The following DRC4 variants were observed in gnomAD, a reference collection of about 807,000 sequenced individuals.
The protein encoded by DRC4 is GAS-11.
chr16:90,030,364 CAG>C, the DRC4 span, among the ~76,000 whole-genome samples: 1 of 152,038 alleles, frequency 6.6e-6, no homozygotes, highest in Non-Finnish European at 1.5e-5. Context: ...TGTTTAGAGA[CAG>C]GGTCCTGCTC....
At chr16:90,028,173 A>ATTTTTTTTTTTTTTTTTTTTTT in the DRC4 span, among the ~76,000 whole-genome samples, 1 of 63,836 alleles carries the variant, frequency 1.6e-5, no homozygotes, top group Non-Finnish European at 2.8e-5. Flanking sequence ...TTAATCGTTC[A>ATTTTTTTTTTTTTTTTTTTTTT]TTTTTTTTTT....
chr16:90,022,307 A>G, the DRC4 span: 3 of 173,894 alleles, frequency 1.7e-5, no homozygotes, highest in Non-Finnish European at 2.4e-5. Flanking sequence ...CCAGATTTGA[A>G]TCTCATTTGG....
At chr16:90,033,808 C>T in the DRC4 span, among the ~76,000 whole-genome samples, 1 of 151,856 alleles carries the variant, frequency 6.6e-6, no homozygotes, top group Non-Finnish European at 1.5e-5. Flanking sequence ...GTGCCAGATA[C>T]AACAGAGTAT....
the DRC4 span, among the ~76,000 whole-genome samples, chr16:90,024,345 C>T: frequency 6.6e-6 from 1 of 152,056 alleles, no homozygotes; most frequent in Non-Finnish European, 1.5e-5. Context: ...GATTAAAATC[C>T]AAAGGACTGA....
the DRC4 span, chr16:90,037,934 G>T: frequency 8.1e-7 from 1 of 1,239,522 alleles, no homozygotes; most frequent in Non-Finnish European, 1.2e-6. Flanking sequence ...CGGGCACTAG[G>T]CTGGCCCTGC....
chr16:90,043,928 A>T, the DRC4 span: 1 of 432,746 alleles, frequency 2.3e-6, no homozygotes, highest in South Asian at 1.7e-5. Flanking sequence ...CTCCCTCGGT[A>T]GGTGATGTAG....
At chr16:90,022,520 C>G in the DRC4 span, 1 of 496,306 alleles carries the variant, frequency 2.0e-6, no homozygotes, top group Non-Finnish European at 3.4e-6. Context: ...GCGACATTTT[C>G]CCAACGTTCA....
At chr16:90,036,450 A>T in the DRC4 span, 1 of 1,614,082 alleles carries the variant, frequency 6.2e-7, no homozygotes, top group Non-Finnish European at 8.5e-7. Context: ...AGAAAGACTG[A>T]GCTCCACGAA....
the DRC4 span, chr16:90,031,522 T>C: frequency 6.5e-7 from 1 of 1,534,860 alleles, no homozygotes; most frequent in Non-Finnish European, 8.8e-7. Context: ...CTGCACGTGC[T>C]AACCTGGTCA....
the DRC4 span, chr16:90,019,919 G>GTGTGCT: frequency 1.5e-6 from 1 of 673,892 alleles, no homozygotes; most frequent in African/African-American, 1.8e-5. The surrounding 1 kb of genome is among the most constrained non-coding windows in gnomAD (Gnocchi z 6.1). Flanking sequence ...GGGCGAGGGC[G>GTGTGCT]TGTGCTTGGG....
At chr16:90,020,940 C>T in the DRC4 span, 1 of 152,236 alleles carries the variant, frequency 6.6e-6, no homozygotes, top group Admixed American at 6.5e-5. Context: ...TAATTACCCC[C>T]ACTGTGCTCT....
chr16:90,029,369 C>G, the DRC4 span: 1 of 1,239,408 alleles, frequency 8.1e-7, no homozygotes, highest in Middle Eastern at 2.6e-4. Context: ...GCCTTGTGGG[C>G]CTAGGAGTTC....
chr16:90,025,886 A>C, the DRC4 span, among the ~76,000 whole-genome samples: 2 of 151,910 alleles, frequency 1.3e-5, no homozygotes, highest in Non-Finnish European at 2.9e-5. Flanking sequence ...AAAAAAAAAA[A>C]AGATAAATGG....
chr16:90,034,978 A>C, the DRC4 span, among the ~76,000 whole-genome samples: 2 of 137,818 alleles, frequency 1.5e-5, no homozygotes, highest in Non-Finnish European at 3.0e-5. Context: ...ATCTCAGTTC[A>C]CCACAACCTC....
the DRC4 span, chr16:90,043,664 T>C: frequency 1.8e-6 from 1 of 546,296 alleles, no homozygotes. Context: ...GTTGGGGCAG[T>C]GCCGCGCTGT....
At chr16:90,020,090 T>G in the DRC4 span, 4 of 635,472 alleles carry the variant, frequency 6.3e-6, no homozygotes, top group African/African-American at 7.3e-5. Flanking sequence ...TTCTCTGTCC[T>G]CATTCACTTC....
chr16:90,022,475 A>G, the DRC4 span: 1 of 443,224 alleles, frequency 2.3e-6, no homozygotes, highest in Non-Finnish European at 4.0e-6. Flanking sequence ...CAATAAGCAA[A>G]ACATGCCCTG....
chr16:90,034,892 CTTTTTTTTTTTT>C, the DRC4 span, among the ~76,000 whole-genome samples: 11 of 53,846 alleles, frequency 2.0e-4, no homozygotes, highest in South Asian at 1.0e-3. Flanking sequence ...CCCACCTAAT[CTTTTTTTTTTTT>C]TTTTTTTTTT....
At chr16:90,042,975 T>G in the DRC4 span, 1 of 552,792 alleles carries the variant, frequency 1.8e-6, no homozygotes, top group South Asian at 2.5e-5. Flanking sequence ...GTCTCGTCAT[T>G]TGTGGAATAG....
Sources: allele counts gnomAD v4.1 joint callset (sites outside exome capture counted in the v4.1 genomes callset), GRCh38; gene constraint gnomAD v4.1.1; non-coding constraint Gnocchi (gnomAD v3.1); transcripts MANE v1.5; gene names NCBI Gene and HGNC (gene_info 2026-07-23, HGNC 2026-07-21).